SCN3A: variants seen among roughly 807,000 people sequenced by gnomAD.
SCN3A encodes sodium channel protein type 3 subunit alpha.
Under a neutral mutation model 187.6 loss-of-function variants are expected in SCN3A, and 60 were observed. The ratio of observed to expected loss-of-function variants is 0.32; its 90% confidence interval spans 0.26 to 0.40. The LOEUF (loss-of-function observed/expected upper bound fraction) is 0.40. SCN3A is among the 10% of genes least tolerant of loss of function. The probability of loss-of-function intolerance (pLI) is 1.00; values close to 1 mark genes in which losing one functional copy is unlikely to be tolerated. For missense variants in SCN3A, 1,601 were observed against 2,428.2 expected (o/e 0.66, Z 7.16); for synonymous variants, 788 against 829.2 (o/e 0.95, Z 0.85).
At chr2:165,159,986 G>A (rs1361657646) in intron 9 of SCN3A, among the ~76,000 whole-genome samples, 2 of 132,724 alleles carry the variant, frequency 1.5e-5, no homozygotes, top group Non-Finnish European at 3.0e-5. Context: ...AAAATTAGCC[G>A]GGCGTGGTGG....
At chr2:165,176,026 C>T (rs533521050) in intron 3 of SCN3A, 105 bp downstream of exon 3, 1 of 1,033,988 alleles carries the variant, frequency 9.7e-7, no homozygotes, top group Admixed American at 2.4e-5. Flanking sequence ...ATTATAAAAT[C>T]TTTAACAGAA....
chr2:165,094,762 T>A lies in SCN3A; in HGVS notation c.4432-284A>T, dbSNP rs1484475844. Among the ~76,000 whole-genome samples the A allele has an allele frequency of 2.0e-5, 3 of 152,178 alleles. No individual in the cohort carries two copies. In the East Asian group the frequency reaches 5.8e-4, roughly 29 times the overall value. On this transcript the variant is annotated intron_variant, in intron 25 of 27. Transcript: ENST00000283254. ...ATATATTTTTGCAAAACAGAAAACATTTTCTTAGTCCATTTCACTGCCGAT... is the reference window on the plus strand; with the variant it reads ...ATATATTTTTGCAAAACAGAAAACAATTTCTTAGTCCATTTCACTGCCGAT...
intron 1 of SCN3A, among the ~76,000 whole-genome samples, chr2:165,187,534 T>A (rs1051966976): frequency 6.6e-6 from 1 of 152,226 alleles, no homozygotes; most frequent in Non-Finnish European, 1.5e-5. Context: ...CCTTGGCCAC[T>A]TACCATAACA....
chr2:165,169,285 C>A (rs982539072), intron 4 of SCN3A, among the ~76,000 whole-genome samples: 3 of 151,894 alleles, frequency 2.0e-5, no homozygotes, highest in Non-Finnish European at 4.4e-5. Context: ...AGAATTCTAT[C>A]ATAAATAGTA....
chr2:165,157,438 G>A (rs759541148), intron 9 of SCN3A, among the ~76,000 whole-genome samples: 3 of 152,278 alleles, frequency 2.0e-5, no homozygotes, highest in African/African-American at 7.2e-5. Context: ...TTAGGTTATG[G>A]ATTTTTGGGT....
At chr2:165,161,726 T>C (rs1689409969) in intron 9 of SCN3A, among the ~76,000 whole-genome samples, 1 of 152,356 alleles carries the variant, frequency 6.6e-6, no homozygotes, top group South Asian at 2.1e-4. Flanking sequence ...TAAGATATTA[T>C]GGCATCTTTT....
Position 165,090,297 on chromosome 2 carries a change from G to A in SCN3A, c.5856C>T (p.Asn1952=). The change falls in exon 28 of 28, where the codon AAC becomes AAT. Residue 1952 remains asparagine, a synonymous_variant. Coordinates refer to ENST00000283254, the MANE Select transcript of SCN3A (RefSeq NM_006922.4). This position sits in a 1 kb window ranked among gnomAD's most constrained non-coding sequence, Gnocchi z 4.0. The part of the protein sequence containing the change: ...QDMIIDKLNG[N]STPEKTDGSS... Reference sequence around the variant, plus strand: ...TCCCATCTGTTTTTTCTGGAGTGGAGTTCCCATTTAGTTTGTCAATAATCA... The same window carrying A: ...TCCCATCTGTTTTTTCTGGAGTGGAATTCCCATTTAGTTTGTCAATAATCA... The A allele has an allele frequency of 1.2e-6, 2 of 1,613,360 alleles. No homozygotes were observed. The highest frequency in any genetic ancestry group is 1.7e-4 in the Middle Eastern group (1 of 6,060).
intron 18 of SCN3A, among the ~76,000 whole-genome samples, chr2:165,120,089 A>G (rs901757000): frequency 6.6e-6 from 1 of 152,122 alleles, no homozygotes; most frequent in African/African-American, 2.4e-5. Flanking sequence ...TGCACGCTGA[A>G]AAGCAGGTTT....
intron 2 of SCN3A, among the ~76,000 whole-genome samples, chr2:165,181,840 A>C (rs1690896824): frequency 6.6e-6 from 1 of 152,204 alleles, no homozygotes; most frequent in Admixed American, 6.5e-5. Context: ...GCAGTCAAAT[A>C]CTTTATATAT....
chr2:165,130,315 A>C lies in SCN3A; in HGVS notation c.2566-19T>G. ...CTCTAAGCTGTAATCAAGTGAAAAG[A>C]TGCTGTTAGTAGTAATCATAATATA... On this transcript the variant is annotated intron_variant, in intron 16 of 27. Coordinates refer to ENST00000283254, the MANE Select transcript of SCN3A (RefSeq NM_006922.4). 1 of 1,608,782 alleles carries C rather than the reference A, an allele frequency of 6.2e-7. No homozygotes were observed. Among genetic ancestry groups the C allele is most frequent in the Non-Finnish European group, 8.5e-7 (1 of 1,175,184 alleles).
At position 165,154,712 on chromosome 2, in the gene SCN3A, A is replaced by T. The variant is rs541196446; in HGVS notation, c.1174-54T>A. 2.7e-6 allele frequency: 4 copies of T among 1,489,106 alleles called. No homozygotes were observed. In the East Asian group the frequency reaches 9.0e-5, roughly 34 times the overall value. The allele number at this position is 1,489,106 out of a possible 1,614,324, so 92.2% of individuals were successfully genotyped here. On this transcript the variant is annotated intron_variant, in intron 10 of 27. Transcript: ENST00000283254. ...GTATTTTAGTATAATGTCCCCAAATAAATATCTGATTACCACAGTTAGATA... is the reference window on the plus strand; with the variant it reads ...GTATTTTAGTATAATGTCCCCAAATTAATATCTGATTACCACAGTTAGATA...
intron 1 of SCN3A, among the ~76,000 whole-genome samples, chr2:165,187,285 A>G (rs1691303629): frequency 6.6e-6 from 1 of 152,210 alleles, no homozygotes; most frequent in African/African-American, 2.4e-5. Flanking sequence ...ATTTTAGACA[A>G]GCTGAGGTAA....
intron 25 of SCN3A, 65 bp from the exon 26 acceptor site, chr2:165,094,543 T>C (rs1053278372): frequency 3.8e-6 from 4 of 1,046,820 alleles, no homozygotes; most frequent in Non-Finnish European, 5.9e-6. Flanking sequence ...AAAAAATATT[T>C]GTCTTTCCTT....
chr2:165,146,242 G>A (rs1439809), intron 12 of SCN3A, among the ~76,000 whole-genome samples: 32,088 of 151,602 alleles, frequency 0.21, 3,378 homozygotes, highest in East Asian at 0.31. Context: ...TGTATGTTAC[G>A]ATCACAACTT....
intron 13 of SCN3A, 129 bp from the exon 14 acceptor site, chr2:165,139,737 G>T: frequency 8.8e-7 from 1 of 1,137,074 alleles, no homozygotes; most frequent in Non-Finnish European, 1.3e-6. Flanking sequence ...ATAAAATATT[G>T]AATTATTGCT....
chr2:165,157,613 C>G (rs980139458), intron 9 of SCN3A, among the ~76,000 whole-genome samples: 6 of 152,178 alleles, frequency 3.9e-5, no homozygotes, highest in African/African-American at 1.4e-4. Context: ...TCTTCCTTTT[C>G]CATATGTGCT....
chr2:165,154,409 C>T, intron 11 of SCN3A, 43 bp downstream of exon 11: 2 of 1,595,878 alleles, frequency 1.3e-6, no homozygotes, highest in Non-Finnish European at 1.7e-6. Flanking sequence ...TACTTAGAAA[C>T]TAATAATAAT....
At position 165,188,325 on chromosome 2, in the gene SCN3A, G is replaced by A. The variant is rs1211759790; in HGVS notation, c.-247-1578C>T. Among the ~76,000 whole-genome samples the A allele has an allele frequency of 3.3e-5, 5 of 151,994 alleles. No individual in the cohort carries two copies. In the East Asian group the frequency reaches 7.7e-4, roughly 23 times the overall value. On this transcript the variant is annotated intron_variant, in intron 1 of 27. Coordinates refer to ENST00000283254, the MANE Select transcript of SCN3A (RefSeq NM_006922.4). Reference sequence around the variant, plus strand: ...CAATCCCAAGTATCCATGGGAAATCGCAGTGATTCCTGCATGTGGATTAAT... The same window carrying A: ...CAATCCCAAGTATCCATGGGAAATCACAGTGATTCCTGCATGTGGATTAAT...
intron 15 of SCN3A, among the ~76,000 whole-genome samples, chr2:165,136,356 A>T (rs923870266): frequency 1.3e-5 from 2 of 152,174 alleles, no homozygotes; most frequent in African/African-American, 4.8e-5. Flanking sequence ...TTCCATCATT[A>T]TTTCAAAGAA....
Sources: allele counts gnomAD v4.1 joint callset (sites outside exome capture counted in the v4.1 genomes callset), GRCh38; gene constraint gnomAD v4.1.1; non-coding constraint Gnocchi (gnomAD v3.1); transcripts MANE v1.5; gene names NCBI Gene and HGNC (gene_info 2026-07-23, HGNC 2026-07-21).